ABHD5: variants seen among roughly 807,000 people sequenced by gnomAD.
The protein encoded by ABHD5 is 1-acylglycerol-3-phosphate O-acyltransferase ABHD5.
A neutral mutation model predicts 44.9 loss-of-function variants in ABHD5; 30 were observed. That is an observed-to-expected ratio of 0.67 (90% CI 0.50 to 0.91). The LOEUF is 0.91. ABHD5 is among the 40% of genes least tolerant of loss of function. ABHD5 has a pLI of 0.00. For missense variants in ABHD5, 399 were observed against 423.4 expected (o/e 0.94, Z 0.50); for synonymous variants, 167 against 147.0 (o/e 1.14, Z -0.99).
chr3:43,732,936 A>C (rs532920555), intron 7 of ABHD5, among the ~76,000 whole-genome samples: 1 of 152,304 alleles, frequency 6.6e-6, no homozygotes, highest in African/African-American at 2.4e-5. Flanking sequence ...TGAGGGCCGT[A>C]GTTGGTAGCT....
chr3:43,718,573 A>C lies in ABHD5; in HGVS notation c.*41A>C. ...GATGGGAAAACCTGGTGACTGATATAGTTGTTCAGCAATAATTCATAGTCT... is the reference window on the plus strand; with the variant it reads ...GATGGGAAAACCTGGTGACTGATATCGTTGTTCAGCAATAATTCATAGTCT... On this transcript the variant is annotated 3_prime_UTR_variant, in exon 7 of 7. Transcript: ENST00000644371. 1 of 1,567,030 alleles carries C rather than the reference A, an allele frequency of 6.4e-7. No homozygotes were observed. The highest frequency in any genetic ancestry group is 8.8e-7 in the Non-Finnish European group (1 of 1,137,244).
At chr3:43,708,451 G>A (rs970466707) in intron 3 of ABHD5, among the ~76,000 whole-genome samples, 1 of 152,210 alleles carries the variant, frequency 6.6e-6, no homozygotes, top group African/African-American at 2.4e-5. Flanking sequence ...TTAGAAGATA[G>A]CCTGGGACCT....
rs1488555108 is a variant in ABHD5 at position 43,722,161 on chromosome 3, T to G, written c.*3629T>G. 1 of 152,222 alleles carries G rather than the reference T, an allele frequency of 6.6e-6. No homozygotes were observed. Among genetic ancestry groups the G allele is most frequent in the Admixed American group, 6.5e-5 (1 of 15,284 alleles). The allele number at this position is 152,222 out of a possible 1,614,324, so 9.4% of individuals were successfully genotyped here. A position where few individuals can be genotyped will look rare whatever the true frequency, so the allele number is the denominator to read the frequency against. ...TGATTACAGCACTGTTTCTAATAGC[T>G]ACAGACTGGAAGCCAGCCAAATCTC... is the stretch of plus-strand genomic sequence containing the variant. On this transcript the variant is annotated 3_prime_UTR_variant, in exon 7 of 7. Transcript: ENST00000644371.
Position 43,722,421 on chromosome 3 carries a change from T to C in ABHD5, c.*3889T>C, listed in dbSNP as rs2084847215. ...TTTTTTTGTAAAGCAATAGAAGAATTAGTTATACCAATAACTAATAAAATG... is the reference window on the plus strand; with the variant it reads ...TTTTTTTGTAAAGCAATAGAAGAATCAGTTATACCAATAACTAATAAAATG... On this transcript the variant is annotated 3_prime_UTR_variant, in exon 7 of 7. Transcript: ENST00000644371. 6.6e-6 allele frequency: 1 copy of C among 152,206 alleles called. No individual in the cohort carries two copies. The allele number at this position is 152,206 out of a possible 1,614,324, so 9.4% of individuals were successfully genotyped here. A position where few individuals can be genotyped will look rare whatever the true frequency, so the allele number is the denominator to read the frequency against.
chr3:43,714,552 C>T (rs1268202000), intron 4 of ABHD5, among the ~76,000 whole-genome samples: 1 of 151,986 alleles, frequency 6.6e-6, no homozygotes, highest in Non-Finnish European at 1.5e-5. Flanking sequence ...ATTATGTATA[C>T]CAGTTTACTT....
At chr3:43,700,255 G>A (rs1329130414) in intron 2 of ABHD5, among the ~76,000 whole-genome samples, 1 of 152,162 alleles carries the variant, frequency 6.6e-6, no homozygotes, top group African/African-American at 2.4e-5. Flanking sequence ...TGGTGTGGAA[G>A]CCCCTTTTTT....
rs774792508 is a variant in ABHD5, at chr3:43,708,852, TGTTTCAGAC to T, written c.507-2856_507-2848del. On this transcript the variant is annotated intron_variant, in intron 3 of 6. Coordinates refer to ENST00000644371, the MANE Select transcript of ABHD5 (RefSeq NM_016006.6). ...TACAATTGTATCACCCCACAAAACT[TGTTTCAGAC>T]ACCCATGCACATATACATTAATACA... 2.4e-4 allele frequency among the ~76,000 whole-genome samples: 36 copies of T among 152,210 alleles called. 1 individual carries two copies. The highest frequency in any genetic ancestry group is 1.5e-4 in the Non-Finnish European group (10 of 68,028).
At chr3:43,709,130 G>T (rs1341028816) in intron 3 of ABHD5, among the ~76,000 whole-genome samples, 1 of 152,172 alleles carries the variant, frequency 6.6e-6, no homozygotes, top group Non-Finnish European at 1.5e-5. Flanking sequence ...AGGACTAAAA[G>T]AAAATGTGGA....
At chr3:43,727,935 G>A (rs1430402677) in intron 7 of ABHD5, among the ~76,000 whole-genome samples, 3 of 152,112 alleles carry the variant, frequency 2.0e-5, no homozygotes, top group African/African-American at 7.2e-5. Context: ...TAAAGAATGA[G>A]GCCCCAAATG....
intron 2 of ABHD5, among the ~76,000 whole-genome samples, chr3:43,700,229 G>T (rs1207398603): frequency 1.3e-5 from 2 of 152,102 alleles, no homozygotes; most frequent in African/African-American, 2.4e-5. Flanking sequence ...AGCATTCTAG[G>T]ATTCTATATT....
At chr3:43,712,649 A>G (rs1031639563) in intron 4 of ABHD5, among the ~76,000 whole-genome samples, 3 of 152,192 alleles carry the variant, frequency 2.0e-5, no homozygotes, top group Admixed American at 6.5e-5. Context: ...TTTCCTTAAT[A>G]AGCAATCTGG....
At chr3:43,731,079 C>T (rs770134076) in intron 7 of ABHD5, among the ~76,000 whole-genome samples, 17 of 152,086 alleles carry the variant, frequency 1.1e-4, no homozygotes, top group Admixed American at 2.0e-4. Flanking sequence ...CCACCTGCCT[C>T]GGCCTCCCAA....
chr3:43,718,425 A>G lies in ABHD5; in HGVS notation c.961-18A>G. The G allele has an allele frequency of 6.2e-7, 1 of 1,607,086 alleles. No homozygotes were observed. Among genetic ancestry groups the G allele is most frequent in the Non-Finnish European group, 8.5e-7 (1 of 1,173,666 alleles). The stretch of plus-strand genomic sequence containing the variant: ...ATGCTTTTACTCACTAACTGTCTGA[A>G]TGCTTTTCCTTATCCAGGCTATTCT... On this transcript the variant is annotated intron_variant, in intron 6 of 6. Transcript: ENST00000644371.
At chr3:43,730,790 G>A (rs546529035) in intron 7 of ABHD5, among the ~76,000 whole-genome samples, 8 of 152,218 alleles carry the variant, frequency 5.3e-5, no homozygotes, top group Non-Finnish European at 1.2e-4. Flanking sequence ...GCAGGCATGA[G>A]CCACTGCGCC....
chr3:43,715,171 T>C, intron 5 of ABHD5, 113 bp downstream of exon 5: 3 of 773,826 alleles, frequency 3.9e-6, no homozygotes, highest in Non-Finnish European at 6.4e-6. Flanking sequence ...TATTTATTTA[T>C]TCATTCAATA....
intron 1 of ABHD5, 26 bp downstream of exon 1, chr3:43,691,065 G>C (rs774197449): frequency 6.5e-6 from 10 of 1,530,340 alleles, no homozygotes; most frequent in South Asian, 1.2e-5. Flanking sequence ...AGGGGGCTTC[G>C]TGTGTCTCCG....
chr3:43,729,743 C>T (rs1275312803), intron 7 of ABHD5, among the ~76,000 whole-genome samples: 2 of 152,172 alleles, frequency 1.3e-5, no homozygotes, highest in African/African-American at 4.8e-5. Context: ...AGAATGATTA[C>T]AAGTTGCTCT....
intron 1 of ABHD5, among the ~76,000 whole-genome samples, chr3:43,695,319 T>C (rs1333264221): frequency 1.3e-5 from 2 of 152,188 alleles, no homozygotes; most frequent in East Asian, 3.8e-4. Flanking sequence ...TATAAATAAA[T>C]GTATATATTC....
chr3:43,707,353 G>A (rs1158087717), intron 3 of ABHD5, among the ~76,000 whole-genome samples: 1 of 152,034 alleles, frequency 6.6e-6, no homozygotes. Flanking sequence ...CTTTTGCCTG[G>A]CTCTGTCTTC....
Sources: gnomAD v4.1 joint callset for allele counts (sites outside exome capture counted in the v4.1 genomes callset) on GRCh38, gnomAD v4.1.1 for gene constraint, MANE v1.5 for transcripts, NCBI Gene and HGNC (gene_info 2026-07-23, HGNC 2026-07-21) for gene names.